L3MBTL4: variants seen among roughly 807,000 people sequenced by gnomAD.
The protein encoded by L3MBTL4 is L3MBTL histone methyl-lysine binding protein 4.
Under a neutral mutation model 84.5 loss-of-function variants are expected in L3MBTL4, and 70 were observed. The observed-to-expected ratio is 0.83, with a 90% CI of 0.68 to 1.01. The LOEUF (loss-of-function observed/expected upper bound fraction) is 1.01, where lower values mean the gene tolerates loss of function less well. L3MBTL4 is among the 50% of genes least tolerant of loss of function. The probability of loss-of-function intolerance (pLI) is 0.00; values close to 1 mark genes in which losing one functional copy is unlikely to be tolerated. For missense variants in L3MBTL4, 715 were observed against 754.8 expected (o/e 0.95, Z 0.62); for synonymous variants, 274 against 259.8 (o/e 1.05, Z -0.52).
rs538136344 is a variant in L3MBTL4, at chr18:6,043,924, C to T, written c.1444+36957G>A. On this transcript the variant is annotated intron_variant, in intron 16 of 18. Transcript: ENST00000317931. Reference sequence around the variant, plus strand: ...AGCTTTTCCCCTAAAAAATCATGCACTTCTGTATTTCTTTCCTTTGACCTC... The same window carrying T: ...AGCTTTTCCCCTAAAAAATCATGCATTTCTGTATTTCTTTCCTTTGACCTC... 1.3e-4 allele frequency among the ~76,000 whole-genome samples: 20 copies of T among 152,314 alleles called. 1 individual carries two copies. The South Asian group carries it at 3.7e-3, about 28-fold the overall frequency.
intron 1 of L3MBTL4, among the ~76,000 whole-genome samples, chr18:6,334,503 CA>C (rs919139019): frequency 2.0e-5 from 3 of 151,944 alleles, no homozygotes; most frequent in African/African-American, 7.3e-5. Flanking sequence ...TAAATATGTT[CA>C]AAAATGATAA....
intron 1 of L3MBTL4, among the ~76,000 whole-genome samples, chr18:6,334,353 C>G (rs931657450): frequency 1.7e-4 from 26 of 152,030 alleles, no homozygotes; most frequent in Non-Finnish European, 2.9e-4. Flanking sequence ...ATTAACACCC[C>G]TAAGGGCACA....
chr18:6,405,592 T>C (rs28680672), intron 1 of L3MBTL4, among the ~76,000 whole-genome samples: 1 of 106,670 alleles, frequency 9.4e-6, no homozygotes, highest in Non-Finnish European at 2.0e-5. Context: ...GCCTGCTAAA[T>C]ACAGGAAATG....
At chr18:5,961,273 G>A (rs982069805) in intron 17 of L3MBTL4, among the ~76,000 whole-genome samples, 3 of 152,182 alleles carry the variant, frequency 2.0e-5, no homozygotes, top group Admixed American at 1.3e-4. Flanking sequence ...GCCTCTCCAG[G>A]AGAAGTCAGC....
At chr18:6,162,964 G>T (rs1479453100) in intron 13 of L3MBTL4, among the ~76,000 whole-genome samples, 2 of 152,140 alleles carry the variant, frequency 1.3e-5, no homozygotes, top group Non-Finnish European at 2.9e-5. Flanking sequence ...TTGTGTGCAT[G>T]CAAAGGAGTC....
chr18:6,174,277 A>C (rs2044119775), intron 12 of L3MBTL4, among the ~76,000 whole-genome samples: 3 of 152,200 alleles, frequency 2.0e-5, no homozygotes, highest in Admixed American at 2.0e-4. Context: ...CAACAGAAAT[A>C]GAACCTAAGA....
chr18:6,136,018 AC>A (rs1393868507), intron 14 of L3MBTL4, among the ~76,000 whole-genome samples: 7 of 152,230 alleles, frequency 4.6e-5, no homozygotes, highest in Admixed American at 4.6e-4. Context: ...GGTGAAAGGC[AC>A]ATCTTACATG....
intron 1 of L3MBTL4, among the ~76,000 whole-genome samples, chr18:6,354,689 C>T (rs1418263674): frequency 6.6e-6 from 1 of 152,098 alleles, no homozygotes; most frequent in African/African-American, 2.4e-5. Context: ...GAAGTCAACA[C>T]CACTGATCAT....
At chr18:6,187,134 T>G (rs1399388871) in intron 12 of L3MBTL4, among the ~76,000 whole-genome samples, 1 of 152,224 alleles carries the variant, frequency 6.6e-6, no homozygotes, top group Non-Finnish European at 1.5e-5. Flanking sequence ...TGATATGACC[T>G]TCTGTTCCTA....
intron 12 of L3MBTL4, among the ~76,000 whole-genome samples, chr18:6,211,904 C>T (rs1222184894): frequency 6.6e-6 from 1 of 152,232 alleles, no homozygotes; most frequent in Non-Finnish European, 1.5e-5. Context: ...CCGCCTCAGC[C>T]TCCCAAAATG....
At chr18:6,312,873 G>T (rs2050904378) in intron 1 of L3MBTL4, among the ~76,000 whole-genome samples, 1 of 152,070 alleles carries the variant, frequency 6.6e-6, no homozygotes, top group Non-Finnish European at 1.5e-5. Flanking sequence ...GCAAAGCAAG[G>T]TTCCTGCTGC....
chr18:6,299,671 T>C (rs1031536162), intron 4 of L3MBTL4, among the ~76,000 whole-genome samples: 2 of 145,392 alleles, frequency 1.4e-5, no homozygotes, highest in Admixed American at 6.8e-5. Flanking sequence ...TTTTGCAATA[T>C]AGATATATTT....
chr18:6,358,039 C>T (rs1008905857), intron 1 of L3MBTL4, among the ~76,000 whole-genome samples: 8 of 152,156 alleles, frequency 5.3e-5, no homozygotes, highest in East Asian at 1.9e-4. Context: ...CTGTCTCATC[C>T]GCAGCCTGGC....
intron 10 of L3MBTL4, among the ~76,000 whole-genome samples, chr18:6,233,832 G>C (rs529561392): frequency 6.6e-6 from 1 of 151,914 alleles, no homozygotes; most frequent in African/African-American, 2.4e-5. Flanking sequence ...GGTTCATATG[G>C]AACCAAAAAA....
rs78573123 is a variant in L3MBTL4, at chr18:6,157,919, T to C, written c.1096+13909A>G. Among the ~76,000 whole-genome samples the C allele has an allele frequency of 4.0e-4, 61 of 152,334 alleles. No individual in the cohort carries two copies. In the East Asian group the frequency reaches 9.8e-3, roughly 25 times the overall value. ...AAATCTCATTTTTCTGCCTATCAAC[T>C]TCCTATTTAGGAAAGTTTCCTTGGT... is the stretch of plus-strand genomic sequence containing the variant. On this transcript the variant is annotated intron_variant, in intron 13 of 18. Coordinates refer to ENST00000317931, the MANE Select transcript of L3MBTL4 (RefSeq NM_001330559.2).
chr18:6,175,178 C>T (rs938813441), intron 12 of L3MBTL4, among the ~76,000 whole-genome samples: 10 of 152,074 alleles, frequency 6.6e-5, no homozygotes, highest in African/African-American at 2.4e-4. Context: ...CTGAAAGCAA[C>T]CGGACACAAT....
chr18:6,296,183 G>C (rs1487178764), intron 4 of L3MBTL4, among the ~76,000 whole-genome samples: 1 of 152,130 alleles, frequency 6.6e-6, no homozygotes, highest in East Asian at 1.9e-4. Context: ...TACTATTCAA[G>C]GAGTCACCTT....
intron 10 of L3MBTL4, among the ~76,000 whole-genome samples, chr18:6,216,497 TTTC>T (rs1181195120): frequency 3.3e-5 from 5 of 152,132 alleles, no homozygotes; most frequent in Admixed American, 2.0e-4. Flanking sequence ...AGCTCTATTT[TTTC>T]TTCTTTTTTC....
intron 13 of L3MBTL4, among the ~76,000 whole-genome samples, chr18:6,168,463 C>T (rs2043794741): frequency 1.3e-5 from 2 of 152,164 alleles, no homozygotes; most frequent in African/African-American, 4.8e-5. Flanking sequence ...CAGCATGGTA[C>T]TGGTACCAAA....
Sources: gnomAD v4.1 joint callset for allele counts (sites outside exome capture counted in the v4.1 genomes callset) on GRCh38, gnomAD v4.1.1 for gene constraint, MANE v1.5 for transcripts, NCBI Gene and HGNC (gene_info 2026-07-23, HGNC 2026-07-21) for gene names.